KDM2B: variants seen among roughly 807,000 people sequenced by gnomAD.
KDM2B encodes the protein lysine-specific demethylase 2B.
In KDM2B, 26 loss-of-function variants were observed where a neutral mutation model predicts 150.0. That is an observed-to-expected ratio of 0.17 (90% CI 0.13 to 0.24). The LOEUF is 0.24. Ranked by LOEUF, KDM2B falls within the 10% of genes least tolerant of loss-of-function variation. KDM2B has a pLI of 1.00. For missense variants in KDM2B, 1,265 were observed against 1,816.9 expected (o/e 0.70, Z 5.52); for synonymous variants, 734 against 729.5 (o/e 1.01, Z -0.10).
intron 22 of KDM2B, among the ~76,000 whole-genome samples, chr12:121,431,670 A>C (rs1475616146): frequency 6.6e-6 from 1 of 152,148 alleles, no homozygotes; most frequent in Non-Finnish European, 1.5e-5. Context: ...TCCTTTATAC[A>C]GCTAGTCCTT....
chr12:121,469,693 G>A (rs1555295591), intron 12 of KDM2B: 3 of 151,918 alleles, frequency 2.0e-5, no homozygotes, highest in Non-Finnish European at 4.4e-5. Flanking sequence ...CTCAGTAGGA[G>A]CCTCTAAAGA....
At chr12:121,538,069 C>A (rs1182704941) in intron 6 of KDM2B, among the ~76,000 whole-genome samples, 1 of 151,446 alleles carries the variant, frequency 6.6e-6, no homozygotes, top group Admixed American at 6.6e-5. Flanking sequence ...GGACGCGGGG[C>A]CCCCGCTCGC....
chr12:121,437,341 A>G (rs773520447), intron 22 of KDM2B, among the ~76,000 whole-genome samples: 91 of 152,116 alleles, frequency 6.0e-4, no homozygotes, highest in Non-Finnish European at 1.1e-3. Context: ...TTGGCTCAAC[A>G]GTGACCAACA....
chr12:121,501,809 G>T (rs1365759882), intron 11 of KDM2B, among the ~76,000 whole-genome samples: 4 of 152,234 alleles, frequency 2.6e-5, no homozygotes, highest in Admixed American at 1.3e-4. Context: ...TTTTAGTAGA[G>T]ATGGGGTTTC....
At chr12:121,516,946 G>C (rs1886261554) in intron 9 of KDM2B, 2 of 635,574 alleles carry the variant, frequency 3.1e-6, no homozygotes, top group East Asian at 5.5e-5. Context: ...TAAATTATTT[G>C]CAATTTCCAA....
upstream of KDM2B, among the ~76,000 whole-genome samples, chr12:121,581,949 G>T (rs1891981298): frequency 6.6e-6 from 1 of 152,176 alleles, no homozygotes; most frequent in African/African-American, 2.4e-5. Flanking sequence ...GCTACTCTTT[G>T]AAGTTTGTTT....
chr12:121,564,083 C>A (rs1318146724), intron 4 of KDM2B, among the ~76,000 whole-genome samples: 2 of 151,734 alleles, frequency 1.3e-5, no homozygotes, highest in African/African-American at 4.8e-5. Flanking sequence ...CAACTGGACT[C>A]CAGCCTCAGC....
chr12:121,490,581 C>G (rs1318004513), intron 12 of KDM2B, among the ~76,000 whole-genome samples: 2 of 152,208 alleles, frequency 1.3e-5, no homozygotes, highest in Non-Finnish European at 2.9e-5. Context: ...AGGTCAGAGG[C>G]TGGGCCTCAA....
Position 121,549,346 on chromosome 12 carries a change from C to T in KDM2B, c.576+114G>A, listed in dbSNP as rs1444458488. ...TAGTCACCCCTATGCCTGCCAAGCC[C>T]AGCCAGCCACACCCACATGAGCCTT... On this transcript the variant is annotated intron_variant, in intron 5 of 22. Transcript: ENST00000377071. The surrounding 1 kb of genome is among the most constrained non-coding windows in gnomAD (Gnocchi z 4.4). The T allele has an allele frequency of 3.0e-6, 3 of 987,178 alleles. No individual in the cohort carries two copies. Among genetic ancestry groups the T allele is most frequent in the Non-Finnish European group, 4.5e-6 (3 of 668,690 alleles). 61.2% of individuals were successfully genotyped at this position (987,178 alleles called of 1,614,324 possible).
At chr12:121,431,729 C>G (rs1352328997) in intron 22 of KDM2B, among the ~76,000 whole-genome samples, 2 of 152,060 alleles carry the variant, frequency 1.3e-5, no homozygotes, top group Non-Finnish European at 2.9e-5. Context: ...CAGATGCTCA[C>G]CAATTCGTGA....
chr12:121,509,498 C>T (rs1555303461), intron 11 of KDM2B, 69 bp downstream of exon 11: 20 of 1,568,444 alleles, frequency 1.3e-5, no homozygotes, highest in Non-Finnish European at 1.4e-5. Context: ...CTGAGCTGCA[C>T]GTGTCACACT....
At chr12:121,416,024 T>G in the KDM2B span, 1 of 640,826 alleles carries the variant, frequency 1.6e-6, no homozygotes, top group African/African-American at 1.8e-5. Context: ...GCTTGAAATT[T>G]CAGTGCCCAG....
chr12:121,493,114 C>T (rs1175739894), intron 12 of KDM2B, among the ~76,000 whole-genome samples: 1 of 115,606 alleles, frequency 8.7e-6, no homozygotes, highest in Non-Finnish European at 1.6e-5. Context: ...CATTATGTTA[C>T]CCAGGTTGAT....
At chr12:121,517,507 C>T (rs1394828216) in intron 9 of KDM2B, among the ~76,000 whole-genome samples, 13 of 149,862 alleles carry the variant, frequency 8.7e-5, no homozygotes, top group Non-Finnish European at 1.2e-4. Flanking sequence ...CTCGCTCTGT[C>T]GCCCAGGCTG....
chr12:121,424,331 A>G (rs1338459542), downstream of KDM2B: 2 of 152,718 alleles, frequency 1.3e-5, no homozygotes, highest in Non-Finnish European at 2.9e-5. Context: ...CTTTAGGAAT[A>G]AAATTAGTTT....
intron 4 of KDM2B, among the ~76,000 whole-genome samples, chr12:121,561,479 C>A (rs1890334507): frequency 6.6e-6 from 1 of 152,118 alleles, no homozygotes; most frequent in Admixed American, 6.6e-5. Flanking sequence ...AGTGATACGC[C>A]CGCCTCAGCC....
rs1450275945 is a variant in KDM2B at position 121,452,189 on chromosome 12, CAGTTTTGCAA to C, written c.1959+921_1959+930del. On this transcript the variant is annotated intron_variant, in intron 13 of 22. Coordinates refer to ENST00000377071, the MANE Select transcript of KDM2B (RefSeq NM_032590.5). The surrounding 1 kb of genome is among the most constrained non-coding windows in gnomAD (Gnocchi z 4.4). ...TAGAGCTTCAGTGGGTATGGAGTTT[CAGTTTTGCAA>C]AATGAAAAAGTTCTAGGGATCAGCT... is the stretch of plus-strand genomic sequence containing the variant. Among the ~76,000 whole-genome samples, 13 of 152,264 alleles carry C rather than the reference CAGTTTTGCAA, an allele frequency of 8.5e-5. No individual in the cohort carries two copies. The highest frequency in any genetic ancestry group is 8.5e-4 in the Admixed American group (13 of 15,278).
intron 4 of KDM2B, among the ~76,000 whole-genome samples, chr12:121,551,778 C>A (rs927448575): frequency 6.6e-6 from 1 of 152,066 alleles, no homozygotes; most frequent in Non-Finnish European, 1.5e-5. Context: ...GTCTTGAACT[C>A]CTGACCTCAA....
At chr12:121,569,345 G>A (rs1555315545) in intron 4 of KDM2B, among the ~76,000 whole-genome samples, 1 of 152,190 alleles carries the variant, frequency 6.6e-6, no homozygotes, top group African/African-American at 2.4e-5. Flanking sequence ...GAGCTGGCAG[G>A]ATAGACGCCT....
Sources: allele counts gnomAD v4.1 joint callset (sites outside exome capture counted in the v4.1 genomes callset), GRCh38; gene constraint gnomAD v4.1.1; non-coding constraint Gnocchi (gnomAD v3.1); transcripts MANE v1.5; gene names NCBI Gene and HGNC (gene_info 2026-07-23, HGNC 2026-07-21).